Variants in TUBG2 observed in about 807,000 individuals in gnomAD.
TUBG2 encodes the protein tubulin gamma 2.
In TUBG2, 39 loss-of-function variants were observed where a neutral mutation model predicts 55.1. The ratio of observed to expected loss-of-function variants is 0.71; its 90% CI spans 0.55 to 0.93. The LOEUF is 0.93. Ranked by LOEUF, TUBG2 falls within the 40% of genes least tolerant of loss-of-function variation. The probability of loss-of-function intolerance (pLI) is 0.00; values close to 1 mark genes in which losing one functional copy is unlikely to be tolerated. For synonymous variants in TUBG2, 223 were observed against 241.0 expected (o/e 0.93, Z 0.69); for missense variants, 358 against 599.1 (o/e 0.60, Z 4.20).
At chr17:42,662,787 C>T (rs1270186944) in intron 4 of TUBG2, among the ~76,000 whole-genome samples, 186 bp from the exon 5 acceptor site, 1 of 152,086 alleles carries the variant, frequency 6.6e-6, no homozygotes, top group African/African-American at 2.4e-5. Flanking sequence ...TTAAACCATC[C>T]TAAGTCAGGG....
intron 4 of TUBG2, among the ~76,000 whole-genome samples, chr17:42,662,605 CA>C (rs564563184): frequency 9.9e-4 from 114 of 115,244 alleles, no homozygotes; most frequent in Middle Eastern, 4.5e-3. Context: ...GACTCCGTCT[CA>C]AAAAAAAAAA....
chr17:42,660,421 AG>A, intron 3 of TUBG2, 105 bp downstream of exon 3: 1 of 1,557,094 alleles, frequency 6.4e-7, no homozygotes, highest in East Asian at 2.3e-5. Context: ...AAGAGACAAA[AG>A]GATGTCCCGA....
Position 42,659,886 on chromosome 17 carries a change from G to A in TUBG2, c.102G>A (p.Glu34=), listed in dbSNP as rs763820964. 3.0e-5 allele frequency: 48 copies of A among 1,613,940 alleles called. 1 individual carries two copies. Among genetic ancestry groups the A allele is most frequent in the South Asian group, 1.9e-4 (17 of 91,048 alleles). Residue 34 remains glutamate, a synonymous_variant, in exon 2 of 11, where the codon GAG becomes GAA. Transcript: ENST00000251412. ...GCGCCGAGCATGGTATCAGCCCCGA[G>A]GGCATCGTGGAGGAATTCGCCACCG... The part of the protein sequence containing the change: ...QLCAEHGISP[E]GIVEEFATEG...
intron 8 of TUBG2, 104 bp downstream of exon 8, chr17:42,665,931 G>A (rs961452358): frequency 4.4e-6 from 7 of 1,585,116 alleles, no homozygotes; most frequent in Non-Finnish European, 6.0e-6. Flanking sequence ...GCCCTTTGCA[G>A]GCCCCAAGGC....
At chr17:42,660,492 A>G in intron 3 of TUBG2, 147 bp from the exon 4 acceptor site, 1 of 1,289,150 alleles carries the variant, frequency 7.8e-7, no homozygotes, top group East Asian at 2.4e-5. Context: ...TTGCAATAGT[A>G]GCACTTCTGG....
rs776936251 is a variant in TUBG2 at position 42,663,052 on chromosome 17, G to A, written c.479G>A (p.Arg160Lys). ...GSYLLERLND[R>K]YPKKLVQTYS... Reference sequence around the variant, plus strand: ...TACCTCCTGGAGCGACTGAATGACAGGCAAGCCTGTGTTTGGGGAGAGGGC... The same window carrying A: ...TACCTCCTGGAGCGACTGAATGACAAGCAAGCCTGTGTTTGGGGAGAGGGC... The change falls in exon 5 of 11, where the codon AGG becomes AAG. Residue 160 changes from arginine (R) to lysine (K), a missense_variant and splice_region_variant. By Grantham distance (26) the Arg-to-Lys change is conservative. Transcript: ENST00000251412. 1 of 1,613,808 alleles carries A rather than the reference G, an allele frequency of 6.2e-7. No homozygotes were observed. The highest frequency in any genetic ancestry group is 1.3e-5 in the African/African-American group (1 of 74,908).
rs895098550 is a variant in TUBG2 at position 42,659,731 on chromosome 17, G to C, written c.50-103G>C. The C allele has an allele frequency of 6.8e-6, 10 of 1,479,082 alleles. No individual in the cohort carries two copies. The Admixed American group carries it at 1.2e-4, about 18-fold the overall frequency. The allele number at this position is 1,479,082 out of a possible 1,614,324, so 91.6% of individuals were successfully genotyped here. A position where few individuals can be genotyped will look rare whatever the true frequency, so the allele number is the denominator to read the frequency against. On this transcript the variant is annotated intron_variant, in intron 1 of 10. Transcript: ENST00000251412. Reference sequence around the variant, plus strand: ...GGGCTGGGGCAGCTACCAAACCCAGGCATCTTGGGTCCACCCTCTGATCGT... The same window carrying C: ...GGGCTGGGGCAGCTACCAAACCCAGCCATCTTGGGTCCACCCTCTGATCGT...
intron 1 of TUBG2, 126 bp downstream of exon 1, chr17:42,659,678 C>A (rs2052336609): frequency 1.5e-6 from 2 of 1,377,754 alleles, no homozygotes; most frequent in African/African-American, 1.5e-5. Context: ...TCTGGATAAC[C>A]CAGACCGAGA....
At chr17:42,663,670 G>A (rs2052445215) in intron 6 of TUBG2, among the ~76,000 whole-genome samples, 167 bp downstream of exon 6, 1 of 152,112 alleles carries the variant, frequency 6.6e-6, no homozygotes, top group Non-Finnish European at 1.5e-5. Flanking sequence ...AGAGCTGGGT[G>A]CGGTGGTTCA....
In TUBG2 at chr17:42,663,513, GA is replaced by G; in HGVS notation, c.606+13del. The G allele has an allele frequency of 6.2e-7, 1 of 1,612,794 alleles. No homozygotes were observed. The highest frequency in any genetic ancestry group is 1.1e-5 in the South Asian group (1 of 91,080). ...GAACGCAGATTGTGTGGTGAGCAAA[GA>G]AAGAGTTGAGGGGCTGGGTGTGGTG... is the stretch of plus-strand genomic sequence containing the variant. On this transcript the variant is annotated intron_variant, in intron 6 of 10. Transcript: ENST00000251412.
chr17:42,665,086 C>T (rs996075860), intron 6 of TUBG2, among the ~76,000 whole-genome samples: 2 of 151,658 alleles, frequency 1.3e-5, no homozygotes, highest in East Asian at 1.9e-4. Flanking sequence ...CTTGCTCTGT[C>T]CCCCAGGCTG....
At chr17:42,659,733 A>C in intron 1 of TUBG2, 101 bp from the exon 2 acceptor site, 1 of 1,481,954 alleles carries the variant, frequency 6.7e-7, no homozygotes, top group Non-Finnish European at 9.2e-7. Flanking sequence ...AAACCCAGGC[A>C]TCTTGGGTCC....
Position 42,666,793 on chromosome 17 carries a change from A to T in TUBG2, c.1349A>T (p.Glu450Val). ...GACTACATTTCCTGGGGCACCCAGG[A>T]GCAGTGATTTCCCTCCCCACTACTC... ...QPDYISWGTQEQ is the reference protein window; with the variant it reads ...QPDYISWGTQVQ The change falls in exon 11 of 11, where the codon GAG becomes GTG. Residue 450 changes from glutamate to valine, a missense_variant. Glu to Val is a moderately radical substitution (Grantham distance 121, BLOSUM62 -2). Coordinates refer to ENST00000251412, the MANE Select transcript of TUBG2 (RefSeq NM_016437.3). 1 of 1,613,994 alleles carries T rather than the reference A, an allele frequency of 6.2e-7. No individual in the cohort carries two copies. The highest frequency in any genetic ancestry group is 8.5e-7 in the Non-Finnish European group (1 of 1,179,978).
At chr17:42,664,885 ACT>A (rs1451749546) in intron 6 of TUBG2, among the ~76,000 whole-genome samples, 2 of 146,778 alleles carry the variant, frequency 1.4e-5, no homozygotes, top group Non-Finnish European at 3.0e-5. Context: ...ATATATTTAT[ACT>A]TTTTTATTTA....
chr17:42,665,504 G>A lies in TUBG2; in HGVS notation c.635G>A (p.Arg212Gln), dbSNP rs778284943. The change falls in exon 7 of 11, where the codon CGG becomes CAG. Residue 212 changes from arginine to glutamine, a missense_variant. Arg to Gln is a conservative substitution (Grantham distance 43, BLOSUM62 1). This residue lies in a region of TUBG2 where 52 missense variants were observed against 53.8 expected (regional missense o/e 0.97). Coordinates refer to ENST00000251412, the MANE Select transcript of TUBG2 (RefSeq NM_016437.3). ...GTGCTGGACAACACAGCCCTGAACCGGATTGCCACAGACCGCCTGCACATC... is the reference window on the plus strand; with the variant it reads ...GTGCTGGACAACACAGCCCTGAACCAGATTGCCACAGACCGCCTGCACATC... ...VVVLDNTALN[R>Q]IATDRLHIQN... 14 of 1,613,966 alleles carry A rather than the reference G, an allele frequency of 8.7e-6. No individual in the cohort carries two copies. The highest frequency in any genetic ancestry group is 2.7e-5 in the African/African-American group (2 of 74,878).
chr17:42,662,855 C>T, intron 4 of TUBG2, 118 bp from the exon 5 acceptor site: 2 of 898,356 alleles, frequency 2.2e-6, no homozygotes, highest in Non-Finnish European at 3.5e-6. Flanking sequence ...CTGGCATCTA[C>T]TGTAGAATTG....
chr17:42,662,909 T>C, intron 4 of TUBG2, 64 bp from the exon 5 acceptor site: 1 of 1,527,740 alleles, frequency 6.5e-7, no homozygotes, highest in Non-Finnish European at 9.0e-7. Context: ...CCATCTGGTA[T>C]CAGAATTGTG....
chr17:42,664,748 A>C (rs1172157178), intron 6 of TUBG2, among the ~76,000 whole-genome samples: 3 of 151,778 alleles, frequency 2.0e-5, no homozygotes, highest in Non-Finnish European at 2.9e-5. Flanking sequence ...AGTGTATGGC[A>C]CATGTGGGTA....
intron 6 of TUBG2, 86 bp downstream of exon 6, chr17:42,663,589 C>G (rs937927668): frequency 2.9e-5 from 44 of 1,540,400 alleles, no homozygotes; most frequent in Non-Finnish European, 3.8e-5. Flanking sequence ...AGATGGATTG[C>G]TTGAGCTCAG....
Sources: gnomAD v4.1 joint callset for allele counts (sites outside exome capture counted in the v4.1 genomes callset) on GRCh38, gnomAD v4.1.1 for gene constraint, gnomAD v4.1.1 regional missense constraint, MANE v1.5 for transcripts, NCBI Gene and HGNC (gene_info 2026-07-23, HGNC 2026-07-21) for gene names.